The following NOTCH1 variants were observed in gnomAD, a reference collection of about 807,000 sequenced individuals.
NOTCH1 encodes notch receptor 1.
A neutral mutation model predicts 254.8 loss-of-function variants in NOTCH1; 37 were observed. The observed-to-expected ratio is 0.15, with a 90% confidence interval of 0.11 to 0.19. NOTCH1 has a LOEUF of 0.19. Ranked by LOEUF, NOTCH1 falls within the 10% of genes least tolerant of loss-of-function variation. NOTCH1 has a pLI of 1.00. For synonymous variants in NOTCH1, 1,731 were observed against 1,618.1 expected (o/e 1.07, Z -1.68); for missense variants, 2,972 against 3,708.6 (o/e 0.80, Z 5.16).
rs1270724229 is a variant in NOTCH1, at chr9:136,513,178, G to T, written c.2354-44C>A. On this transcript the variant is annotated intron_variant, in intron 14 of 33. Coordinates refer to ENST00000651671, the MANE Select transcript of NOTCH1 (RefSeq NM_017617.5). The surrounding 1 kb of genome is among the most constrained non-coding windows in gnomAD (Gnocchi z 4.7). ...CACTCGGCATGTCCAGCACTCCCAG[G>T]CACCTTGGCAGGGCCCCACAACAGC... 14 of 1,540,392 alleles carry T rather than the reference G, an allele frequency of 9.1e-6. 1 individual carries two copies. The highest frequency in any genetic ancestry group is 1.3e-5 in the Non-Finnish European group (14 of 1,114,648).
In NOTCH1 at chr9:136,515,541, C is replaced by A. The variant is rs1442503672; in HGVS notation, c.1845G>T (p.Gly615=). The A allele has an allele frequency of 6.2e-7, 1 of 1,611,514 alleles. No homozygotes were observed. The highest frequency in any genetic ancestry group is 8.5e-7 in the Non-Finnish European group (1 of 1,179,822). ...CGTTGTCGCGGTCCTGGCAGGTGCC[C>A]CCGTGGCGGCAGGGCTGGCTGGAGC... The part of the protein sequence containing the change: ...NECSSQPCRH[G]GTCQDRDNAY... Residue 615 remains glycine, a synonymous_variant, in exon 11 of 34, where the codon GGG becomes GGT. Transcript: ENST00000651671.
chr9:136,496,382 C>T lies in NOTCH1; in HGVS notation c.7357G>A (p.Val2453Met), dbSNP rs574436740. 2.1e-5 allele frequency: 34 copies of T among 1,596,260 alleles called. No individual in the cohort carries two copies. The East Asian group carries it at 2.5e-4, about 12-fold the overall frequency. Reference protein sequence around the residue: ...VQPLGPSSLAVHTILPQESPA... With the variant: ...VQPLGPSSLAMHTILPQESPA... Reference sequence around the variant, plus strand: ...CTCTCCTGGGGCAGAATAGTGTGCACCGCCAGGCTGCTGGGGCCCAGTGGC... The same window carrying T: ...CTCTCCTGGGGCAGAATAGTGTGCATCGCCAGGCTGCTGGGGCCCAGTGGC... Residue 2453 changes from valine (V) to methionine (M), a missense_variant, in exon 34 of 34, where the codon GTG becomes ATG. By Grantham distance (21) the Val-to-Met change is conservative. Transcript: ENST00000651671.
chr9:136,504,681 G>A lies in NOTCH1; in HGVS notation c.5010C>T (p.Asp1670=), dbSNP rs780348772. 1.5e-5 allele frequency: 22 copies of A among 1,517,240 alleles called. No homozygotes were observed. The highest frequency in any genetic ancestry group is 2.1e-5 in the Admixed American group (1 of 48,440). 94.0% of individuals were successfully genotyped at this position (1,517,240 alleles called of 1,614,324 possible). ...CGCCGGGTCTCACTCACCCGCGGAC[G>A]TCCATGGGGTCCAGCTCCCTCCGCC... is the stretch of plus-strand genomic sequence containing the variant. ...GRRRRELDPM[D]VRGSIVYLEI... Residue 1670 remains aspartate (D), a synonymous_variant, in exon 26 of 34, where the codon GAC becomes GAT. Transcript: ENST00000651671.
At chr9:136,507,506 A>G (rs1274325950) in intron 21 of NOTCH1, 69 bp from the exon 22 acceptor site, 3 of 1,548,230 alleles carry the variant, frequency 1.9e-6, no homozygotes, top group East Asian at 2.4e-5. Context: ...CCCACACCCC[A>G]CTGTGAGGGC....
intron 4 of NOTCH1, among the ~76,000 whole-genome samples, chr9:136,520,373 C>T (rs546573176): frequency 1.3e-5 from 2 of 152,100 alleles, no homozygotes; most frequent in Non-Finnish European, 2.9e-5. Context: ...TCTGCTGGAC[C>T]GGAGCAAAAG....
Position 136,545,580 on chromosome 9 carries a change from A to G in NOTCH1, c.61+146T>C, listed in dbSNP as rs1843803343. Reference sequence around the variant, plus strand: ...GTCCTCCCTGATCCCGGGACTCCAGAACCCCACGCCCCGGGCCGCCCGCTT... The same window carrying G: ...GTCCTCCCTGATCCCGGGACTCCAGGACCCCACGCCCCGGGCCGCCCGCTT... On this transcript the variant is annotated intron_variant, in intron 1 of 33. Coordinates refer to ENST00000651671, the MANE Select transcript of NOTCH1 (RefSeq NM_017617.5). This position sits in a 1 kb window ranked among gnomAD's most constrained non-coding sequence, Gnocchi z 6.8. The G allele has an allele frequency of 1.8e-6, 1 of 559,522 alleles. No homozygotes were observed. The highest frequency in any genetic ancestry group is 2.9e-6 in the Non-Finnish European group (1 of 345,098). The allele number at this position is 559,522 out of a possible 1,614,324, so 34.7% of individuals were successfully genotyped here.
Position 136,545,636 on chromosome 9 carries a change from C to T in NOTCH1, c.61+90G>A. The T allele has an allele frequency of 1.8e-6, 2 of 1,113,806 alleles. No homozygotes were observed. The highest frequency in any genetic ancestry group is 3.3e-5 in the Admixed American group (1 of 30,682). The allele number at this position is 1,113,806 out of a possible 1,614,324, so 69.0% of individuals were successfully genotyped here. On this transcript the variant is annotated intron_variant, in intron 1 of 33. Coordinates refer to ENST00000651671, the MANE Select transcript of NOTCH1 (RefSeq NM_017617.5). This position sits in a 1 kb window ranked among gnomAD's most constrained non-coding sequence, Gnocchi z 6.8. ...TCTCCATGCTGGCCTCCCCGCCGCCCGCTCCCAGCCGTGGGGCGCGCGCGC... is the reference window on the plus strand; with the variant it reads ...TCTCCATGCTGGCCTCCCCGCCGCCTGCTCCCAGCCGTGGGGCGCGCGCGC...
intron 12 of NOTCH1, 56 bp from the exon 13 acceptor site, chr9:136,514,758 G>T (rs546191487): frequency 1.2e-5 from 19 of 1,540,314 alleles, no homozygotes; most frequent in East Asian, 2.3e-5. Context: ...TCCCACCCAC[G>T]TCAACCTCGA....
chr9:136,510,581 G>A (rs568721237), intron 17 of NOTCH1, 72 bp downstream of exon 17: 55 of 1,540,762 alleles, frequency 3.6e-5, no homozygotes, highest in African/African-American at 1.4e-4. Context: ...AGCACCATGC[G>A]CACCAACCCT....
Position 136,502,456 on chromosome 9 carries a change from G to C in NOTCH1, c.5200C>G (p.Leu1734Val). ...GCCGCCGCCACGTACATGAAGTGCA[G>C]CTGCGCCGGCGGGGGCGGCTCCACG... ...ETVEPPPPAQ[L>V]HFMYVAAAAF... Residue 1734 changes from leucine to valine, a missense_variant, in exon 28 of 34, where the codon CTG (leucine) becomes GTG (valine). Around this residue, in one of 8 missense-constraint regions of NOTCH1, gnomAD observed 421 missense variants for 604.4 expected, o/e 0.70. Coordinates refer to ENST00000651671, the MANE Select transcript of NOTCH1 (RefSeq NM_017617.5). 6.3e-7 allele frequency: 1 copy of C among 1,596,384 alleles called. No individual in the cohort carries two copies. Among genetic ancestry groups the C allele is most frequent in the Non-Finnish European group, 8.5e-7 (1 of 1,172,298 alleles).
Position 136,522,724 on chromosome 9 carries a change from C to T in NOTCH1, c.742+126G>A. On this transcript the variant is annotated intron_variant, in intron 4 of 33. Transcript: ENST00000651671. Reference sequence around the variant, plus strand: ...ACACGCAGTCTGGGGAACTCGCCATCCCGCCTTCCCAACTCCCCGCCATGG... The same window carrying T: ...ACACGCAGTCTGGGGAACTCGCCATTCCGCCTTCCCAACTCCCCGCCATGG... 3 of 932,524 alleles carry T rather than the reference C, an allele frequency of 3.2e-6. No individual in the cohort carries two copies. The South Asian group carries it at 5.3e-5, about 16-fold the overall frequency. The allele number at this position is 932,524 out of a possible 1,614,324, so 57.8% of individuals were successfully genotyped here.
Position 136,540,616 on chromosome 9 carries a change from T to TATCAGCCTG in NOTCH1, c.140+3407_140+3408insCAGGCTGAT, listed in dbSNP as rs1843719132. The stretch of plus-strand genomic sequence containing the variant: ...ACACACCACCAAGAGATCCAGCGTG[T>TATCAGCCTG]ATCAGCCCGGCTGACATGCTGGGGA... On this transcript the variant is annotated intron_variant, in intron 2 of 33. Transcript: ENST00000651671. This position sits in a 1 kb window ranked among gnomAD's most constrained non-coding sequence, Gnocchi z 4.4. Among the ~76,000 whole-genome samples the TATCAGCCTG allele has an allele frequency of 6.6e-6, 1 of 151,912 alleles. No individual in the cohort carries two copies. The highest frequency in any genetic ancestry group is 2.1e-4 in the South Asian group (1 of 4,792).
chr9:136,504,717 C>G lies in NOTCH1; in HGVS notation c.4974G>C (p.Glu1658Asp), dbSNP rs1262748307. The G allele has an allele frequency of 3.2e-6, 5 of 1,540,484 alleles. No individual in the cohort carries two copies. The highest frequency in any genetic ancestry group is 2.6e-6 in the Non-Finnish European group (3 of 1,141,786). Residue 1658 changes from glutamate (E) to aspartate (D), a missense_variant, in exon 26 of 34, where the codon GAG becomes GAC. Physicochemically the swap from Glu to Asp is conservative, Grantham distance 45. Coordinates refer to ENST00000651671, the MANE Select transcript of NOTCH1 (RefSeq NM_017617.5). ...CCAGCTCCCTCCGCCGCCGCCCACC[C>G]TCGCTGCCACCAGGGAGCAGCGAGG... ...VKASLLPGGSEGGRRRRELDP... is the reference protein window; with the variant it reads ...VKASLLPGGSDGGRRRRELDP...
In NOTCH1 at chr9:136,502,032, C is replaced by G. The variant is rs768161812; in HGVS notation, c.5441G>C (p.Gly1814Ala). Residue 1814 changes from glycine to alanine, a missense_variant, in exon 29 of 34, where the codon GGG becomes GCG. Around this residue, in one of 8 missense-constraint regions of NOTCH1, gnomAD observed 421 missense variants for 604.4 expected, o/e 0.70. Transcript: ENST00000651671. ...CTTCTTGGTCTCCAGGTCCTCGTCCCCCCACTCATTCTGGTTGTCGTCCAT... is the reference window on the plus strand; with the variant it reads ...CTTCTTGGTCTCCAGGTCCTCGTCCGCCCACTCATTCTGGTTGTCGTCCAT... ...ALMDDNQNEW[G>A]DEDLETKKFR... The G allele has an allele frequency of 6.2e-7, 1 of 1,613,334 alleles. No homozygotes were observed. The highest frequency in any genetic ancestry group is 8.5e-7 in the Non-Finnish European group (1 of 1,179,970).
chr9:136,534,017 GGGA>G (rs1392133611), intron 2 of NOTCH1, among the ~76,000 whole-genome samples: 1 of 152,252 alleles, frequency 6.6e-6, no homozygotes, highest in Non-Finnish European at 1.5e-5. Flanking sequence ...GCAGGAAGCT[GGGA>G]GCCACCGCCT....
chr9:136,531,809 C>T (rs1843566192), intron 2 of NOTCH1, among the ~76,000 whole-genome samples: 1 of 152,260 alleles, frequency 6.6e-6, no homozygotes, highest in African/African-American at 2.4e-5. Context: ...CCTCTGTGTG[C>T]CTCCCGATTC....
At position 136,508,399 on chromosome 9, in the gene NOTCH1, G is replaced by A. The variant is rs2133347807; in HGVS notation, c.3172-14C>T. 1 of 1,613,020 alleles carries A rather than the reference G, an allele frequency of 6.2e-7. No individual in the cohort carries two copies. The highest frequency in any genetic ancestry group is 8.5e-7 in the Non-Finnish European group (1 of 1,179,978). The stretch of plus-strand genomic sequence containing the variant: ...GTGCACAAGGTTCTGGGGACAGATT[G>A]GGGTCAGCTGGGTGCCCGCGCCCCG... On this transcript the variant is annotated splice_polypyrimidine_tract_variant and intron_variant, in intron 19 of 33. Transcript: ENST00000651671.
chr9:136,536,265 C>G (rs1388560931), intron 2 of NOTCH1, among the ~76,000 whole-genome samples: 1 of 152,206 alleles, frequency 6.6e-6, no homozygotes, highest in Non-Finnish European at 1.5e-5. Flanking sequence ...ACTGGCTGGC[C>G]TGGTGCCCTG....
At chr9:136,542,329 C>G (rs1175028150) in intron 2 of NOTCH1, among the ~76,000 whole-genome samples, 1 of 152,142 alleles carries the variant, frequency 6.6e-6, no homozygotes, top group African/African-American at 2.4e-5. Flanking sequence ...GGGTGAGAGG[C>G]AAAGTCCGAG....
Sources: allele counts gnomAD v4.1 joint callset (sites outside exome capture counted in the v4.1 genomes callset), GRCh38; gene constraint gnomAD v4.1.1; regional missense constraint gnomAD v4.1.1; non-coding constraint Gnocchi (gnomAD v3.1); transcripts MANE v1.5; gene names NCBI Gene and HGNC (gene_info 2026-07-23, HGNC 2026-07-21).